Variants in SMIM8 observed in about 807,000 individuals in gnomAD.
SMIM8 encodes small integral membrane protein 8.
Under a neutral mutation model 8.1 loss-of-function variants are expected in SMIM8, and 8 were observed. The ratio of observed to expected loss-of-function variants is 0.99; its 90% CI spans 0.58 to 1.78. The LOEUF (loss-of-function observed/expected upper bound fraction) is 1.78, where lower values mean the gene tolerates loss of function less well. SMIM8 is among the 40% of genes most tolerant of loss of function. The pLI is 0.00. For synonymous variants in SMIM8, 45 were observed against 39.7 expected, an observed-to-expected ratio of 1.13 and a Z score of -0.50; for missense variants, 126 against 119.8, an observed-to-expected ratio of 1.05 and a Z score of -0.24.
intron 2 of SMIM8, among the ~76,000 whole-genome samples, chr6:87,335,374 A>G (rs1777082996): frequency 6.6e-6 from 1 of 152,158 alleles, no homozygotes; most frequent in African/African-American, 2.4e-5. Context: ...GTGCTAACTG[A>G]TGTAAAAATT....
intron 1 of SMIM8, among the ~76,000 whole-genome samples, chr6:87,326,835 T>C (rs1325031634): frequency 8.2e-6 from 1 of 121,366 alleles, no homozygotes; most frequent in Non-Finnish European, 1.7e-5. Context: ...TGACTTTCTG[T>C]CTCGTTGATC....
At chr6:87,339,325 C>CGTGTGTGTGTGTGTGT (rs59321615) in intron 3 of SMIM8, among the ~76,000 whole-genome samples, 1 of 124,086 alleles carries the variant, frequency 8.1e-6, no homozygotes, top group African/African-American at 3.1e-5. Flanking sequence ...CAAAACACAG[C>CGTGTGTGTGTGTGTGT]GTGTGTGTGT....
intron 3 of SMIM8, among the ~76,000 whole-genome samples, chr6:87,339,436 T>TTTG (rs1777176845): frequency 3.5e-5 from 4 of 113,234 alleles, no homozygotes; most frequent in Admixed American, 2.8e-4. Flanking sequence ...GTGTGTGTGT[T>TTTG]TGTGTGTGTG....
At position 87,322,768 on chromosome 6, in the gene SMIM8, C is replaced by T. The variant is rs551365791; in HGVS notation, c.-45+136C>T. ...CCCTCCCAGGGAGGGAGCGTCCTCT[C>T]GGATAGCCCAAATCTTTGCCTCTCC... On this transcript the variant is annotated intron_variant, in intron 1 of 3. Coordinates refer to ENST00000392863, the MANE Select transcript of SMIM8 (RefSeq NM_001042493.3). 4 of 152,350 alleles carry T rather than the reference C, an allele frequency of 2.6e-5. No individual in the cohort carries two copies. In the South Asian group the frequency reaches 8.3e-4, roughly 32 times the overall value. 9.4% of individuals were successfully genotyped at this position (152,350 alleles called of 1,614,324 possible).
intron 1 of SMIM8, among the ~76,000 whole-genome samples, chr6:87,323,231 C>G (rs997677381): frequency 1.3e-5 from 2 of 152,152 alleles, no homozygotes; most frequent in South Asian, 4.2e-4. Context: ...AGAGACAGTA[C>G]TACATCCAAG....
chr6:87,325,294 C>T (rs1250049929), intron 1 of SMIM8, among the ~76,000 whole-genome samples: 2 of 145,954 alleles, frequency 1.4e-5, no homozygotes, highest in African/African-American at 5.2e-5. Context: ...CCAGAACTTC[C>T]AACACTATGT....
intron 1 of SMIM8, chr6:87,322,876 C>G (rs1374928047): frequency 6.6e-6 from 1 of 152,354 alleles, no homozygotes; most frequent in Non-Finnish European, 1.5e-5. Context: ...CTTGCGGGCT[C>G]CAGTTTGTTC....
At chr6:87,328,027 T>C (rs1044617311) in intron 1 of SMIM8, among the ~76,000 whole-genome samples, 5 of 152,122 alleles carry the variant, frequency 3.3e-5, no homozygotes, top group African/African-American at 4.8e-5. Context: ...ACTGATACCC[T>C]TTCTTCCAGT....
At chr6:87,331,272 G>C (rs1185550571) in intron 2 of SMIM8, among the ~76,000 whole-genome samples, 1 of 152,216 alleles carries the variant, frequency 6.6e-6, no homozygotes, top group Non-Finnish European at 1.5e-5. Context: ...TTTTGTCTTA[G>C]GTGAGTGGTA....
chr6:87,335,845 CAAAAAAAAAAAAA>C (rs35840147), intron 2 of SMIM8, among the ~76,000 whole-genome samples: 6 of 55,958 alleles, frequency 1.1e-4, no homozygotes, highest in Non-Finnish European at 9.7e-5. Context: ...CCGTCCCTAC[CAAAAAAAAAAAAA>C]AAAAAAAAAA....
chr6:87,334,559 C>G (rs913345798), intron 2 of SMIM8, among the ~76,000 whole-genome samples: 9 of 152,146 alleles, frequency 5.9e-5, no homozygotes, highest in Admixed American at 4.6e-4. Flanking sequence ...CTACCTCTTC[C>G]TCCCAAAATA....
rs1238749811 is a variant in SMIM8, at chr6:87,326,935, A to G, written c.-44-3757A>G. 1.8e-4 allele frequency among the ~76,000 whole-genome samples: 19 copies of G among 107,784 alleles called. 1 individual carries two copies. The highest frequency in any genetic ancestry group is 6.5e-4 in the African/African-American group (16 of 24,726). 70.7% of individuals were successfully genotyped at this position (107,784 alleles called of 152,430 possible). A position where few individuals can be genotyped will look rare whatever the true frequency, so the allele number is the denominator to read the frequency against. On this transcript the variant is annotated intron_variant, in intron 1 of 3. Coordinates refer to ENST00000392863, the MANE Select transcript of SMIM8 (RefSeq NM_001042493.3). ...TTGTAGGTCACTCAGGACTTGCTTT[A>G]TGAATCTGGGTGCTCCTGTATTGGG... is the stretch of plus-strand genomic sequence containing the variant.
In SMIM8 at chr6:87,322,652, G is replaced by A. The variant is rs1057204383; in HGVS notation, c.-45+20G>A. 7 of 152,360 alleles carry A rather than the reference G, an allele frequency of 4.6e-5. No homozygotes were observed. Among genetic ancestry groups the A allele is most frequent in the Non-Finnish European group, 4.4e-5 (3 of 68,188 alleles). 9.4% of individuals were successfully genotyped at this position (152,360 alleles called of 1,614,324 possible). ...CGAAAGGTAAGCGGCGGCTTCGGTG[G>A]TGTTGAGTGGCTGGGCGCCGGCCTG... On this transcript the variant is annotated intron_variant, in intron 1 of 3. Transcript: ENST00000392863.
rs1050737455 is a variant in SMIM8 at position 87,341,477 on chromosome 6, C to T, written c.*1203C>T. On this transcript the variant is annotated 3_prime_UTR_variant, in exon 4 of 4. Transcript: ENST00000392863. ...AAATCTTTCTTACAAGGGTTCTGGA[C>T]CCGTTTCATTTCTAGATATATACCT... is the stretch of plus-strand genomic sequence containing the variant. 5.1e-6 allele frequency: 2 copies of T among 392,456 alleles called. No homozygotes were observed. The highest frequency in any genetic ancestry group is 9.0e-6 in the Non-Finnish European group (2 of 222,824). The allele number at this position is 392,456 out of a possible 1,614,324, so 24.3% of individuals were successfully genotyped here. A position where few individuals can be genotyped will look rare whatever the true frequency, so the allele number is the denominator to read the frequency against.
intron 3 of SMIM8, among the ~76,000 whole-genome samples, chr6:87,338,367 A>G (rs1777155894): frequency 6.6e-6 from 1 of 152,184 alleles, no homozygotes; most frequent in Admixed American, 6.5e-5. Context: ...CACTCTGGAG[A>G]GCAAAAGAGA....
At chr6:87,327,018 G>A (rs1351761619) in intron 1 of SMIM8, among the ~76,000 whole-genome samples, 6 of 137,770 alleles carry the variant, frequency 4.4e-5, no homozygotes, top group Admixed American at 2.8e-4. Flanking sequence ...TTACCATTAT[G>A]TAATGGCCTT....
chr6:87,341,541 T>G lies in SMIM8; in HGVS notation c.*1267T>G. On this transcript the variant is annotated 3_prime_UTR_variant, in exon 4 of 4. Transcript: ENST00000392863. ...ATTGTCATTGGGCCTCAGTAGTAAA[T>G]CTTACCTCTGAAGTCTTGCTTCAGT... The G allele has an allele frequency of 2.7e-6, 1 of 376,254 alleles. No homozygotes were observed. Among genetic ancestry groups the G allele is most frequent in the Non-Finnish European group, 4.7e-6 (1 of 212,814 alleles). 23.3% of individuals were successfully genotyped at this position (376,254 alleles called of 1,614,324 possible). A position where few individuals can be genotyped will look rare whatever the true frequency, so the allele number is the denominator to read the frequency against.
At position 87,328,049 on chromosome 6, in the gene SMIM8, G is replaced by C. The variant is rs867594575; in HGVS notation, c.-44-2643G>C. On this transcript the variant is annotated intron_variant, in intron 1 of 3. Coordinates refer to ENST00000392863, the MANE Select transcript of SMIM8 (RefSeq NM_001042493.3). ...CCCTTTCTTCCAGTTGATCGCATCA[G>C]CTCCTGAGGCTTCTGCATTCTTCAC... is the stretch of plus-strand genomic sequence containing the variant. Among the ~76,000 whole-genome samples the C allele has an allele frequency of 2.7e-4, 41 of 152,200 alleles. No homozygotes were observed. The South Asian group carries it at 8.5e-3, about 32-fold the overall frequency.
chr6:87,338,751 A>G (rs2127925365), intron 3 of SMIM8, among the ~76,000 whole-genome samples: 1 of 152,294 alleles, frequency 6.6e-6, no homozygotes, highest in South Asian at 2.1e-4. Context: ...ACTGTTATTT[A>G]TATCACTACT....
Sources: allele counts gnomAD v4.1 joint callset (sites outside exome capture counted in the v4.1 genomes callset), GRCh38; gene constraint gnomAD v4.1.1; transcripts MANE v1.5; gene names NCBI Gene and HGNC (gene_info 2026-07-23, HGNC 2026-07-21).